SDHAF4: variants seen among roughly 807,000 people sequenced by gnomAD.
SDHAF4 encodes succinate dehydrogenase assembly factor 4, mitochondrial.
A neutral mutation model predicts 14.3 loss-of-function variants in SDHAF4; 14 were observed. That is an observed-to-expected ratio of 0.98 (90% confidence interval 0.65 to 1.53). The LOEUF (loss-of-function observed/expected upper bound fraction) is 1.53, where lower values mean the gene tolerates loss of function less well. Ranked by LOEUF, SDHAF4 falls within the 40% of genes most tolerant of loss-of-function variation. The pLI is 0.00. For synonymous variants in SDHAF4, 63 were observed against 47.3 expected (o/e 1.33, Z -1.36); for missense variants, 141 against 129.3 (o/e 1.09, Z -0.44).
chr6:70,568,962 C>T (rs201016303), intron 1 of SDHAF4, among the ~76,000 whole-genome samples: 15 of 97,982 alleles, frequency 1.5e-4, no homozygotes, highest in East Asian at 1.2e-3. Flanking sequence ...TTTCTTTTTT[C>T]TTTTTTTTTT....
the SDHAF4 span, among the ~76,000 whole-genome samples, chr6:70,598,357 C>T: frequency 6.6e-6 from 1 of 151,966 alleles, no homozygotes; most frequent in East Asian, 1.9e-4. Context: ...CCAGCGTGGG[C>T]AACACAGTGA....
At chr6:70,578,856 C>T (rs2691490) in intron 1 of SDHAF4, among the ~76,000 whole-genome samples, 1 of 151,916 alleles carries the variant, frequency 6.6e-6, no homozygotes, top group African/African-American at 2.4e-5. Flanking sequence ...ATAAAACAAT[C>T]TTTTTTTAGA....
intron 2 of SDHAF4, among the ~76,000 whole-genome samples, chr6:70,583,971 A>G (rs1043441525): frequency 1.3e-5 from 2 of 152,202 alleles, no homozygotes; most frequent in Non-Finnish European, 2.9e-5. Flanking sequence ...TATAGTCTGC[A>G]TATGATAAAA....
In SDHAF4 at chr6:70,568,962, C is replaced by CTTTTTTTTTTTTTTTT. The variant is rs5877254; in HGVS notation, c.64+1964_64+1979dup. ...TTTGTGAAATACCTCTTTCTTTTTT[C>CTTTTTTTTTTTTTTTT]TTTTTTTTTTTTTTTTTTTTTGAGG... On this transcript the variant is annotated intron_variant, in intron 1 of 2. Transcript: ENST00000370474. Among the ~76,000 whole-genome samples, 219 of 97,972 alleles carry CTTTTTTTTTTTTTTTT rather than the reference C, an allele frequency of 2.2e-3. 15 individuals are homozygous for CTTTTTTTTTTTTTTTT. Among genetic ancestry groups the CTTTTTTTTTTTTTTTT allele is most frequent in the African/African-American group, 8.6e-3 (203 of 23,734 alleles). The allele number at this position is 97,972 out of a possible 152,430, so 64.3% of individuals were successfully genotyped here.
intron 1 of SDHAF4, among the ~76,000 whole-genome samples, chr6:70,574,612 C>T (rs956415409): frequency 2.6e-5 from 4 of 152,074 alleles, no homozygotes; most frequent in Non-Finnish European, 5.9e-5. Flanking sequence ...TGCATTTTAA[C>T]AAAATCCCCC....
intron 2 of SDHAF4, among the ~76,000 whole-genome samples, chr6:70,586,428 CTTTT>C (rs70990316): frequency 5.6e-4 from 45 of 80,300 alleles, no homozygotes; most frequent in Middle Eastern, 0.016. Flanking sequence ...ATTTGTTTGC[CTTTT>C]TTTTTTTTTT....
intron 1 of SDHAF4, among the ~76,000 whole-genome samples, chr6:70,576,856 A>G (rs528421684): frequency 6.6e-6 from 1 of 152,318 alleles, no homozygotes; most frequent in African/African-American, 2.4e-5. Context: ...CCAACATCCA[A>G]CACCTAGTAA....
chr6:70,575,257 A>G (rs1332342147), intron 1 of SDHAF4, among the ~76,000 whole-genome samples: 1 of 152,188 alleles, frequency 6.6e-6, no homozygotes, highest in East Asian at 1.9e-4. Flanking sequence ...GGGTGCCTGT[A>G]ATCCCATCTA....
downstream of SDHAF4, among the ~76,000 whole-genome samples, chr6:70,591,334 ATTTTTTTTTTTTT>A (rs76350573): frequency 3.8e-4 from 38 of 101,274 alleles, no homozygotes; most frequent in Admixed American, 1.1e-3. Flanking sequence ...GAGAGGAAAG[ATTTTTTTTTTTTT>A]TTTTTTTTTT....
At chr6:70,592,025 C>A (rs1214196529), downstream of SDHAF4, among the ~76,000 whole-genome samples, 1 of 152,248 alleles carries the variant, frequency 6.6e-6, no homozygotes, top group Non-Finnish European at 1.5e-5. Context: ...ACTCAGCCAA[C>A]TTGCCATGTG....
intron 2 of SDHAF4, among the ~76,000 whole-genome samples, chr6:70,583,760 C>A (rs1397978804): frequency 6.6e-6 from 1 of 152,178 alleles, no homozygotes; most frequent in African/African-American, 2.4e-5. Context: ...TGTTGGGCCA[C>A]ATTCAAAGCC....
In SDHAF4 at chr6:70,589,549, A is replaced by C. The variant is rs1581933808; in HGVS notation, c.*825A>C. 1.3e-5 allele frequency: 2 copies of C among 152,192 alleles called. No homozygotes were observed. Among genetic ancestry groups the C allele is most frequent in the South Asian group, 4.1e-4 (2 of 4,826 alleles). 9.4% of individuals were successfully genotyped at this position (152,192 alleles called of 1,614,324 possible). A position where few individuals can be genotyped will look rare whatever the true frequency, so the allele number is the denominator to read the frequency against. ...CAGTTGCTTATAAAATGCATACATA[A>C]ATAAAATAATTTTTAAAAAATGATT... On this transcript the variant is annotated 3_prime_UTR_variant, in exon 3 of 3. Coordinates refer to ENST00000370474, the MANE Select transcript of SDHAF4 (RefSeq NM_145267.3).
the SDHAF4 span, among the ~76,000 whole-genome samples, chr6:70,594,920 A>C: frequency 2.0e-5 from 3 of 151,932 alleles, no homozygotes; most frequent in East Asian, 5.8e-4. Flanking sequence ...CTCAGAAAAA[A>C]AAAAAAAATC....
intron 1 of SDHAF4, among the ~76,000 whole-genome samples, chr6:70,572,913 G>C (rs968980573): frequency 6.6e-6 from 1 of 152,138 alleles, no homozygotes; most frequent in Non-Finnish European, 1.5e-5. Context: ...AAAGACTTTT[G>C]TATAGTCAGT....
At chr6:70,590,746 A>C (rs575110903), downstream of SDHAF4, among the ~76,000 whole-genome samples, 1 of 152,346 alleles carries the variant, frequency 6.6e-6, no homozygotes, top group Admixed American at 6.5e-5. Flanking sequence ...TGAGAAGATT[A>C]AATGAATAAA....
chr6:70,578,810 C>G (rs1358249995), intron 1 of SDHAF4, among the ~76,000 whole-genome samples: 1 of 152,170 alleles, frequency 6.6e-6, no homozygotes, highest in Admixed American at 6.6e-5. Context: ...TGCCAACTAT[C>G]CCAGCACCAT....
At chr6:70,568,829 G>T (rs538232809) in intron 1 of SDHAF4, among the ~76,000 whole-genome samples, 2 of 152,034 alleles carry the variant, frequency 1.3e-5, no homozygotes, top group African/African-American at 2.4e-5. Context: ...ACTTAATTTT[G>T]CCTTAGGTTT....
downstream of SDHAF4, among the ~76,000 whole-genome samples, chr6:70,593,444 A>C (rs1278093234): frequency 6.6e-6 from 1 of 152,136 alleles, no homozygotes; most frequent in Non-Finnish European, 1.5e-5. Context: ...AGAGCAGTGC[A>C]CTCTGGAGCC....
In SDHAF4 at chr6:70,589,161, T is replaced by C. The variant is rs1371841799; in HGVS notation, c.*437T>C. On this transcript the variant is annotated 3_prime_UTR_variant, in exon 3 of 3. Coordinates refer to ENST00000370474, the MANE Select transcript of SDHAF4 (RefSeq NM_145267.3). ...TTAACATATATTAATTTAATGAGTA[T>C]AGAAATGATTCTTGTTTTTTTGAGA... is the stretch of plus-strand genomic sequence containing the variant. 2.6e-5 allele frequency: 4 copies of C among 152,306 alleles called. No individual in the cohort carries two copies. The highest frequency in any genetic ancestry group is 9.7e-5 in the African/African-American group (4 of 41,408). 9.4% of individuals were successfully genotyped at this position (152,306 alleles called of 1,614,324 possible).
Sources: allele counts gnomAD v4.1 joint callset (sites outside exome capture counted in the v4.1 genomes callset), GRCh38; gene constraint gnomAD v4.1.1; transcripts MANE v1.5; gene names NCBI Gene and HGNC (gene_info 2026-07-23, HGNC 2026-07-21).